NUP62CL: variants seen among roughly 807,000 people sequenced by gnomAD.
NUP62CL encodes nucleoporin 62 C-terminal like, also known as nucleoporin-62 C-terminal-like protein.
Under a neutral mutation model 15.3 loss-of-function variants are expected in NUP62CL, and 13 were observed. The observed-to-expected ratio is 0.85, with a 90% CI of 0.55 to 1.35. The LOEUF (loss-of-function observed/expected upper bound fraction) is 1.35, where lower values mean the gene tolerates loss of function less well. NUP62CL is among the 40% of genes most tolerant of loss of function. The probability of loss-of-function intolerance (pLI) is 0.00; values close to 1 mark genes in which losing one functional copy is unlikely to be tolerated. For missense variants in NUP62CL, 123 were observed against 130.6 expected (o/e 0.94, Z 0.28); for synonymous variants, 54 against 49.2 (o/e 1.10, Z -0.41).
intron 1 of NUP62CL, among the ~76,000 whole-genome samples, chrX:107,195,576 T>C (rs1302235749): frequency 8.9e-6 from 1 of 112,553 alleles, no homozygotes; most frequent in Non-Finnish European, 1.9e-5. Flanking sequence ...GCATCTTGAA[T>C]ACTGTTAGTG....
Position 107,174,114 on chromosome X carries a change from CCT to C in NUP62CL, c.58+973_58+974del, listed in dbSNP as rs1287067980. ...CCCTTTCTCTCTCTCTCCCTCCCTCCCTCTCTCTCCCCCTCTCTCTCTTTCTT... is the reference window on the plus strand; with the variant it reads ...CCCTTTCTCTCTCTCTCCCTCCCTCCCTCTCTCCCCCTCTCTCTCTTTCTT... On this transcript the variant is annotated intron_variant, in intron 3 of 8. Transcript: ENST00000372466. Among the ~76,000 whole-genome samples the C allele has an allele frequency of 2.0e-4, 15 of 75,851 alleles. No homozygotes were observed. In the East Asian group the frequency reaches 6.8e-3, roughly 34 times the overall value. 65.9% of individuals were successfully genotyped at this position (75,851 alleles called of 115,157 possible).
intron 1 of NUP62CL, among the ~76,000 whole-genome samples, chrX:107,197,005 CA>C (rs1441138901): frequency 8.9e-6 from 1 of 111,890 alleles, no homozygotes; most frequent in Non-Finnish European, 1.9e-5. Flanking sequence ...TTGTAAGTAG[CA>C]TAGCCGAAAT....
chrX:107,147,688 A>G lies in NUP62CL; in HGVS notation c.*42+55T>C, dbSNP rs1451294347. 9 of 733,745 alleles carry G rather than the reference A, an allele frequency of 1.2e-5. No individual in the cohort carries two copies. The East Asian group carries it at 2.9e-4, about 23-fold the overall frequency. The allele number at this position is 733,745 out of a possible 1,213,427, so 60.5% of individuals were successfully genotyped here. On this transcript the variant is annotated intron_variant, in intron 8 of 8. Transcript: ENST00000372466. ...GTCATGGAGCATACAACTGACATGT[A>G]TCACGTTTTCTACTTGCAATAAATA...
intron 1 of NUP62CL, among the ~76,000 whole-genome samples, chrX:107,205,749 ACTCTAT>A (rs1216014859): frequency 1.8e-5 from 2 of 110,684 alleles, no homozygotes; most frequent in East Asian, 2.9e-4. Flanking sequence ...TAGGGTAACA[ACTCTAT>A]CTCTAAGTGA....
At chrX:107,202,561 T>C (rs1036583026) in intron 1 of NUP62CL, 2 of 108,826 alleles carry the variant, frequency 1.8e-5, no homozygotes, top group Admixed American at 1.0e-4. Flanking sequence ...CTATACTTAG[T>C]AAAAAAATAA....
chrX:107,133,171 C>G (rs1242055520), intron 8 of NUP62CL, among the ~76,000 whole-genome samples: 1 of 111,211 alleles, frequency 9.0e-6, no homozygotes, highest in African/African-American at 3.3e-5. Flanking sequence ...TTCTTCAGAG[C>G]CTGCAATAGT....
intron 2 of NUP62CL, among the ~76,000 whole-genome samples, chrX:107,176,026 G>A (rs1386345809): frequency 9.0e-6 from 1 of 111,561 alleles, no homozygotes; most frequent in Admixed American, 9.5e-5. Flanking sequence ...GAAGAGGTAA[G>A]CAAGAAGACC....
chrX:107,144,081 C>A (rs1175034145), intron 8 of NUP62CL, among the ~76,000 whole-genome samples: 3 of 111,354 alleles, frequency 2.7e-5, no homozygotes, highest in Non-Finnish European at 5.7e-5. Flanking sequence ...CATCGCCTCT[C>A]CAGCTCAAAT....
intron 7 of NUP62CL, among the ~76,000 whole-genome samples, chrX:107,152,061 T>TATATATATATATATATATATTCAG (rs1569356997): frequency 1.4e-5 from 1 of 69,244 alleles, no homozygotes; most frequent in African/African-American, 7.2e-5. Context: ...TATATATATA[T>TATATATATATATATATATATTCAG]ATATATATAT....
chrX:107,128,430 T>C (rs1467146599), intron 8 of NUP62CL, among the ~76,000 whole-genome samples: 2 of 111,875 alleles, frequency 1.8e-5, no homozygotes, highest in Non-Finnish European at 3.8e-5. Flanking sequence ...AACAAATAAA[T>C]TGAAACCATA....
At chrX:107,180,123 T>C (rs1409479958) in intron 2 of NUP62CL, among the ~76,000 whole-genome samples, 1 of 112,144 alleles carries the variant, frequency 8.9e-6, no homozygotes, top group African/African-American at 3.2e-5. Context: ...ATTTAACGAA[T>C]GACAATAAGT....
chrX:107,144,108 A>T (rs1197762877), intron 8 of NUP62CL, among the ~76,000 whole-genome samples: 2 of 111,744 alleles, frequency 1.8e-5, no homozygotes, highest in Non-Finnish European at 3.8e-5. Context: ...TTAGCAAAAA[A>T]GTAACTCCAA....
At chrX:107,153,386 G>GA in intron 6 of NUP62CL, 68 bp downstream of exon 6, 1 of 1,087,177 alleles carries the variant, frequency 9.2e-7, no homozygotes, top group Non-Finnish European at 1.2e-6. Flanking sequence ...AACTACAGAA[G>GA]GAAAAAAAAA....
At chrX:107,155,207 G>C (rs1285591) in intron 4 of NUP62CL, among the ~76,000 whole-genome samples, 41,179 of 111,296 alleles carry the variant, frequency 0.37, 8,227 homozygotes, top group African/African-American at 0.77. Flanking sequence ...ACTTTGTCCC[G>C]CTTCTCCCAT....
intron 8 of NUP62CL, among the ~76,000 whole-genome samples, chrX:107,136,302 CAT>C (rs1925639028): frequency 8.9e-6 from 1 of 111,834 alleles, no homozygotes; most frequent in African/African-American, 3.3e-5. Flanking sequence ...AATTTATACT[CAT>C]AAAGTCAACC....
intron 8 of NUP62CL, among the ~76,000 whole-genome samples, chrX:107,141,856 C>T (rs1777490): frequency 1.8e-5 from 2 of 109,686 alleles, no homozygotes; most frequent in East Asian, 2.9e-4. Context: ...GCCAAGAGTT[C>T]GAGACCAGCC....
chrX:107,125,194 A>C (rs1445797149), intron 8 of NUP62CL, among the ~76,000 whole-genome samples: 2 of 111,696 alleles, frequency 1.8e-5, no homozygotes, highest in African/African-American at 6.5e-5. Flanking sequence ...ATAACTGGTA[A>C]ATGTTTCTTT....
chrX:107,146,541 G>C (rs1925887210), intron 8 of NUP62CL, among the ~76,000 whole-genome samples: 2 of 111,803 alleles, frequency 1.8e-5, no homozygotes, highest in Admixed American at 1.9e-4. Flanking sequence ...CTTAATGAAA[G>C]TGTTCTGTTG....
chrX:107,178,947 G>C (rs1016782531), intron 2 of NUP62CL, among the ~76,000 whole-genome samples: 1 of 109,073 alleles, frequency 9.2e-6, no homozygotes, highest in Non-Finnish European at 1.9e-5. Flanking sequence ...AAAAAAAAAT[G>C]AGCTGGGTGT....
Sources: allele counts gnomAD v4.1 joint callset (sites outside exome capture counted in the v4.1 genomes callset), GRCh38; gene constraint gnomAD v4.1.1; transcripts MANE v1.5; gene names NCBI Gene and HGNC (gene_info 2026-07-23, HGNC 2026-07-21).